GRIA4: variants seen among roughly 807,000 people sequenced by gnomAD.
GRIA4 encodes the protein glutamate receptor 4.
In GRIA4, 34 loss-of-function variants were observed where a neutral mutation model predicts 104.0. That is an observed-to-expected ratio of 0.33 (90% CI 0.25 to 0.44). The LOEUF (loss-of-function observed/expected upper bound fraction) is 0.44, where lower values mean the gene tolerates loss of function less well. Ranked by LOEUF, GRIA4 falls within the 20% of genes least tolerant of loss-of-function variation. The pLI, the probability that GRIA4 is intolerant of heterozygous loss-of-function variation, is 1.00. For missense variants in GRIA4, 750 were observed against 1,096.5 expected (o/e 0.68, Z 4.46); for synonymous variants, 386 against 381.9 (o/e 1.01, Z -0.13).
At chr11:105,807,468 A>G (rs950346364) in intron 4 of GRIA4, among the ~76,000 whole-genome samples, 2 of 151,946 alleles carry the variant, frequency 1.3e-5, no homozygotes, top group Non-Finnish European at 2.9e-5. Flanking sequence ...CAAAACCATC[A>G]GAAACTTCTA....
In GRIA4 at chr11:105,753,110, G is replaced by C. The variant is rs1940101076; in HGVS notation, c.377G>C (p.Gly126Ala). The C allele has an allele frequency of 6.2e-7, 1 of 1,613,828 alleles. No individual in the cohort carries two copies. The highest frequency in any genetic ancestry group is 1.1e-5 in the South Asian group (1 of 91,074). Reference protein sequence around the residue: ...SLITPSFPTEGESQFVLQLRP... With the variant: ...SLITPSFPTEAESQFVLQLRP... ...ATCACACCAAGTTTCCCTACTGAGG[G>C]GGAGAGCCAGTTTGTGCTGCAACTA... The change falls in exon 4 of 17, where the codon GGG becomes GCG. Residue 126 changes from glycine (G) to alanine (A), a missense_variant. Coordinates refer to ENST00000282499, the MANE Select transcript of GRIA4 (RefSeq NM_000829.4).
intron 4 of GRIA4, among the ~76,000 whole-genome samples, chr11:105,789,744 A>C (rs1942133164): frequency 6.6e-6 from 1 of 152,178 alleles, no homozygotes; most frequent in Non-Finnish European, 1.5e-5. Context: ...AAAACACTAA[A>C]GATAATATTT....
chr11:105,833,888 G>T lies in GRIA4; in HGVS notation c.488-28136G>T, dbSNP rs188591439. On this transcript the variant is annotated intron_variant, in intron 4 of 16. Transcript: ENST00000282499. ...GTTATATTCATATTGTTTTTCTCTA[G>T]TCATAGTTTCTGGCTGAGTCTCAAC... 1.1e-4 allele frequency among the ~76,000 whole-genome samples: 17 copies of T among 151,950 alleles called. No individual in the cohort carries two copies. The East Asian group carries it at 2.5e-3, about 23-fold the overall frequency.
intron 7 of GRIA4, among the ~76,000 whole-genome samples, chr11:105,900,474 C>T (rs944846164): frequency 1.3e-5 from 2 of 152,166 alleles, no homozygotes; most frequent in African/African-American, 4.8e-5. Context: ...GTGCTTCTAC[C>T]TCAAAAGTCC....
At chr11:105,686,767 G>A (rs1006372729) in intron 3 of GRIA4, among the ~76,000 whole-genome samples, 4 of 152,112 alleles carry the variant, frequency 2.6e-5, no homozygotes, top group Admixed American at 2.0e-4. Context: ...AATAGCCATT[G>A]TGACTGGTGT....
intron 4 of GRIA4, among the ~76,000 whole-genome samples, chr11:105,776,315 T>C (rs190406422): frequency 6.8e-4 from 103 of 152,296 alleles, no homozygotes; most frequent in Admixed American, 2.1e-3. Flanking sequence ...AACATCTGTA[T>C]TTTAAAATCA....
At chr11:105,836,222 A>T (rs994168588) in intron 4 of GRIA4, among the ~76,000 whole-genome samples, 20 of 152,170 alleles carry the variant, frequency 1.3e-4, no homozygotes, top group African/African-American at 4.6e-4. Context: ...ATAGAACAGG[A>T]AGATAAAAAA....
intron 3 of GRIA4, among the ~76,000 whole-genome samples, chr11:105,638,673 CTCTATTTCAATG>C (rs1951275853): frequency 6.6e-6 from 1 of 152,060 alleles, no homozygotes; most frequent in African/African-American, 2.4e-5. Flanking sequence ...TCTCCATTTA[CTCTATTTCAATG>C]TCTCTTAATT....
rs1281164191 is a variant in GRIA4, at chr11:105,980,003, G to C, written c.*264G>C. On this transcript the variant is annotated 3_prime_UTR_variant, in exon 17 of 17. Transcript: ENST00000282499. ...TGGGTGGGGGAGGGATCTGGGATGGGTGTATTAACAGCAACAAATTTCATT... is the reference window on the plus strand; with the variant it reads ...TGGGTGGGGGAGGGATCTGGGATGGCTGTATTAACAGCAACAAATTTCATT... 2 of 350,710 alleles carry C rather than the reference G, an allele frequency of 5.7e-6. No homozygotes were observed. The highest frequency in any genetic ancestry group is 1.1e-5 in the Non-Finnish European group (2 of 189,294). 21.7% of individuals were successfully genotyped at this position (350,710 alleles called of 1,614,324 possible).
At chr11:105,836,129 A>G (rs1944174999) in intron 4 of GRIA4, among the ~76,000 whole-genome samples, 1 of 152,112 alleles carries the variant, frequency 6.6e-6, no homozygotes, top group South Asian at 2.1e-4. Flanking sequence ...GCTCTTAGAA[A>G]AAGGAAAGAA....
intron 4 of GRIA4, among the ~76,000 whole-genome samples, chr11:105,816,631 T>G (rs1943387751): frequency 6.6e-6 from 1 of 152,150 alleles, no homozygotes; most frequent in African/African-American, 2.4e-5. Flanking sequence ...TTAATAGCAA[T>G]GCAACAATGG....
intron 3 of GRIA4, among the ~76,000 whole-genome samples, chr11:105,637,328 T>C (rs1179547932): frequency 6.6e-6 from 1 of 152,214 alleles, no homozygotes; most frequent in African/African-American, 2.4e-5. Flanking sequence ...TACAATTTTA[T>C]TATAATATAA....
chr11:105,653,143 C>G (rs1046515895), intron 3 of GRIA4, among the ~76,000 whole-genome samples: 1 of 152,188 alleles, frequency 6.6e-6, no homozygotes, highest in Non-Finnish European at 1.5e-5. Context: ...GATCTCCTGA[C>G]CTTGTGATCT....
chr11:105,671,560 C>T (rs1387260386), intron 3 of GRIA4, among the ~76,000 whole-genome samples: 1 of 149,524 alleles, frequency 6.7e-6, no homozygotes, highest in Non-Finnish European at 1.5e-5. Context: ...CACCTGTAAT[C>T]CCAGCTACTT....
At chr11:105,944,915 T>C (rs1441670908) in intron 14 of GRIA4, among the ~76,000 whole-genome samples, 3 of 152,234 alleles carry the variant, frequency 2.0e-5, no homozygotes, top group Non-Finnish European at 4.4e-5. Context: ...ACATAGTGTC[T>C]GATAATATCC....
chr11:105,902,866 C>A (rs1450407928), intron 7 of GRIA4, among the ~76,000 whole-genome samples: 1 of 152,026 alleles, frequency 6.6e-6, no homozygotes, highest in African/African-American at 2.4e-5. Flanking sequence ...TAGTACATAC[C>A]CATTTTTTGA....
intron 6 of GRIA4, among the ~76,000 whole-genome samples, chr11:105,887,980 T>C (rs1056892397): frequency 6.6e-6 from 1 of 152,206 alleles, no homozygotes; most frequent in African/African-American, 2.4e-5. Context: ...AGCAAATCTT[T>C]TAAATGGGAG....
At chr11:105,956,555 C>T (rs1948595980) in intron 14 of GRIA4, among the ~76,000 whole-genome samples, 1 of 152,232 alleles carries the variant, frequency 6.6e-6, no homozygotes, top group East Asian at 1.9e-4. Flanking sequence ...GTGAATAGTG[C>T]CACAATAAAC....
chr11:105,758,701 C>T (rs759519700), intron 4 of GRIA4, among the ~76,000 whole-genome samples: 2 of 152,038 alleles, frequency 1.3e-5, no homozygotes, highest in East Asian at 1.9e-4. Context: ...CAAAAGTATG[C>T]TTTACTTAAC....
Sources: allele counts gnomAD v4.1 joint callset (sites outside exome capture counted in the v4.1 genomes callset), GRCh38; gene constraint gnomAD v4.1.1; transcripts MANE v1.5; gene names NCBI Gene and HGNC (gene_info 2026-07-23, HGNC 2026-07-21).